Variants in TENM4 observed in about 807,000 individuals in gnomAD.
TENM4 encodes teneurin transmembrane protein 4.
A neutral mutation model predicts 243.3 loss-of-function variants in TENM4; 82 were observed. The observed-to-expected ratio is 0.34, with a 90% CI of 0.28 to 0.40. TENM4 has a LOEUF of 0.40. Among genes scored for constraint, TENM4 ranks in the 10% least tolerant of loss-of-function variants. TENM4 has a pLI of 1.00. For synonymous variants in TENM4, 1,412 were observed against 1,456.3 expected (o/e 0.97, Z 0.69); for missense variants, 3,138 against 3,673.3 (o/e 0.85, Z 3.77).
intron 2 of TENM4, among the ~76,000 whole-genome samples, chr11:79,237,933 T>C (rs1379247082): frequency 6.6e-6 from 1 of 152,112 alleles, no homozygotes; most frequent in African/African-American, 2.4e-5. Flanking sequence ...CCTGTCCAGA[T>C]GTACAAAGAG....
At chr11:79,033,619 G>T (rs1435467) in intron 6 of TENM4, among the ~76,000 whole-genome samples, 3,849 of 152,198 alleles carry the variant, frequency 0.025, 151 homozygotes, top group African/African-American at 0.088. Context: ...CTTTCCAGTG[G>T]GTCAATAAAA....
chr11:79,169,465 G>T (rs1010356485), intron 3 of TENM4, among the ~76,000 whole-genome samples: 3 of 152,110 alleles, frequency 2.0e-5, no homozygotes, highest in Admixed American at 1.3e-4. Context: ...ACAGACTCAG[G>T]TCTTGGAATC....
chr11:79,160,195 C>T (rs1862712026), intron 3 of TENM4, among the ~76,000 whole-genome samples: 1 of 152,166 alleles, frequency 6.6e-6, no homozygotes, highest in Non-Finnish European at 1.5e-5. Flanking sequence ...CCAGAACACT[C>T]TCTTCCATTT....
At chr11:79,173,120 A>C (rs993904745) in intron 3 of TENM4, among the ~76,000 whole-genome samples, 2 of 152,260 alleles carry the variant, frequency 1.3e-5, no homozygotes, top group African/African-American at 4.8e-5. Context: ...TTGTTCAATA[A>C]GTATTTGTTA....
rs755002283 is a variant in TENM4 at position 79,064,931 on chromosome 11, A to G, written c.300T>C (p.Ile100=). The G allele has an allele frequency of 1.3e-6, 2 of 1,536,636 alleles. No individual in the cohort carries two copies. Among genetic ancestry groups the G allele is most frequent in the South Asian group, 2.4e-5 (2 of 82,472 alleles). ...TGGAGTAGCCGCAGTGGGGGAGGCC[A>G]ATGTCTGTCCGGTACAGGGTCCCGT... ...PPHGTLYRTD[I]GLPHCGYSMG... The change falls in exon 6 of 34, where the codon ATT becomes ATC. Residue 100 remains isoleucine, a synonymous_variant. Coordinates refer to ENST00000278550, the MANE Select transcript of TENM4 (RefSeq NM_001098816.3).
intron 7 of TENM4, among the ~76,000 whole-genome samples, chr11:78,897,983 C>A (rs1298015046): frequency 6.6e-6 from 1 of 152,188 alleles, no homozygotes; most frequent in Non-Finnish European, 1.5e-5. Flanking sequence ...TTCCCCTCAC[C>A]CAACAGGAAC....
At chr11:79,082,296 T>A (rs948235402) in intron 4 of TENM4, among the ~76,000 whole-genome samples, 2 of 151,984 alleles carry the variant, frequency 1.3e-5, no homozygotes, top group African/African-American at 2.4e-5. Context: ...ACAAATCCAC[T>A]CCCTCGGCCC....
intron 7 of TENM4, among the ~76,000 whole-genome samples, chr11:78,901,898 A>G (rs1211982171): frequency 2.0e-5 from 3 of 152,218 alleles, no homozygotes; most frequent in South Asian, 4.1e-4. Flanking sequence ...CGGAAAAACA[A>G]TTCTACAGGA....
chr11:79,391,027 C>T (rs1858222412), intron 1 of TENM4, among the ~76,000 whole-genome samples: 1 of 152,148 alleles, frequency 6.6e-6, no homozygotes, highest in African/African-American at 2.4e-5. Context: ...ACATAAGAGG[C>T]AGCGTCATTA....
At chr11:78,844,158 G>T (rs576136771) in intron 12 of TENM4, among the ~76,000 whole-genome samples, 6 of 152,290 alleles carry the variant, frequency 3.9e-5, no homozygotes, top group Admixed American at 1.3e-4. Flanking sequence ...GTGTGGTTGA[G>T]CAGAGACTGC....
At chr11:79,236,106 T>C (rs114077965) in intron 2 of TENM4, among the ~76,000 whole-genome samples, 6 of 152,116 alleles carry the variant, frequency 3.9e-5, no homozygotes, top group Admixed American at 1.3e-4. Flanking sequence ...TGGTACTCAT[T>C]TGGGGAGTGA....
At chr11:79,017,218 C>T (rs1013856417) in intron 6 of TENM4, among the ~76,000 whole-genome samples, 5 of 152,142 alleles carry the variant, frequency 3.3e-5, no homozygotes, top group Non-Finnish European at 5.9e-5. Context: ...CAAACAGGAT[C>T]AGTTTAGACA....
chr11:79,069,701 C>A (rs1344985682), intron 5 of TENM4, 21 bp downstream of exon 5: 1 of 1,538,910 alleles, frequency 6.5e-7, no homozygotes, highest in Non-Finnish European at 8.8e-7. Flanking sequence ...CTGAGGCCCG[C>A]CCCCTCGGCC....
chr11:78,804,294 T>C (rs1272790132), intron 15 of TENM4, among the ~76,000 whole-genome samples: 4 of 152,328 alleles, frequency 2.6e-5, no homozygotes, highest in East Asian at 3.9e-4. Flanking sequence ...TCCCCTCCCC[T>C]TTCCCAGAAT....
In TENM4 at chr11:79,335,970, T is replaced by C. The variant is rs546608440; in HGVS notation, c.-320-38427A>G. Among the ~76,000 whole-genome samples, 6 of 151,706 alleles carry C rather than the reference T, an allele frequency of 4.0e-5. No homozygotes were observed. The South Asian group carries it at 1.2e-3, about 32-fold the overall frequency. Reference sequence around the variant, plus strand: ...TGGGACCACTTCCTCTAAGCAGCTCTCTTTGCTGATTCCCTGTCTAAGCTC... The same window carrying C: ...TGGGACCACTTCCTCTAAGCAGCTCCCTTTGCTGATTCCCTGTCTAAGCTC... On this transcript the variant is annotated intron_variant, in intron 1 of 33. Coordinates refer to ENST00000278550, the MANE Select transcript of TENM4 (RefSeq NM_001098816.3).
chr11:79,002,408 G>C (rs939039902), intron 6 of TENM4, among the ~76,000 whole-genome samples: 2 of 152,322 alleles, frequency 1.3e-5, no homozygotes, highest in African/African-American at 4.8e-5. Context: ...CCACCCATTG[G>C]AGTGTTGTGG....
rs977252440 is a variant in TENM4, at chr11:78,900,473, C to A, written c.749+2795G>T. 4.6e-5 allele frequency among the ~76,000 whole-genome samples: 7 copies of A among 152,138 alleles called. No individual in the cohort carries two copies. The South Asian group carries it at 1.5e-3, about 32-fold the overall frequency. On this transcript the variant is annotated intron_variant, in intron 7 of 33. Coordinates refer to ENST00000278550, the MANE Select transcript of TENM4 (RefSeq NM_001098816.3). ...CTATTTCCCCTCAACTCCTTTGGGG[C>A]GAGTAGGAGCTCAAGAAACTCTTTT...
chr11:79,408,935 A>C lies in TENM4; in HGVS notation c.-321+31574T>G, dbSNP rs1717437465. 3.9e-5 allele frequency among the ~76,000 whole-genome samples: 6 copies of C among 152,292 alleles called. No individual in the cohort carries two copies. In the South Asian group the frequency reaches 1.2e-3, roughly 32 times the overall value. On this transcript the variant is annotated intron_variant, in intron 1 of 33. Coordinates refer to ENST00000278550, the MANE Select transcript of TENM4 (RefSeq NM_001098816.3). ...TCATAGCAGAATTAATAATTATCAC[A>C]TAACAATATAATTGCATGGCCTTTT...
intron 32 of TENM4, among the ~76,000 whole-genome samples, chr11:78,665,891 T>C (rs1290271515): frequency 1.3e-5 from 2 of 152,186 alleles, no homozygotes; most frequent in Non-Finnish European, 2.9e-5. Flanking sequence ...TATAGGGAAG[T>C]TGAATCCACC....
Sources: allele counts gnomAD v4.1 joint callset (sites outside exome capture counted in the v4.1 genomes callset), GRCh38; gene constraint gnomAD v4.1.1; transcripts MANE v1.5; gene names NCBI Gene and HGNC (gene_info 2026-07-23, HGNC 2026-07-21).